EFCAB5: variants seen among roughly 807,000 people sequenced by gnomAD.
EFCAB5 encodes EF-hand calcium binding domain 5.
A neutral mutation model predicts 167.9 loss-of-function variants in EFCAB5; 131 were observed. The observed-to-expected ratio is 0.78, with a 90% CI of 0.68 to 0.90. The LOEUF is 0.90. Among genes scored for constraint, EFCAB5 ranks in the 40% least tolerant of loss-of-function variants. The probability of loss-of-function intolerance (pLI) is 0.00; values close to 1 mark genes in which losing one functional copy is unlikely to be tolerated. For missense variants in EFCAB5, 1,663 were observed against 1,745.2 expected (o/e 0.95, Z 0.84); for synonymous variants, 574 against 602.8 (o/e 0.95, Z 0.70).
chr17:30,092,293 A>T, intron 21 of EFCAB5, 136 bp downstream of exon 21: 1 of 922,238 alleles, frequency 1.1e-6, no homozygotes, highest in Non-Finnish European at 1.6e-6. Flanking sequence ...TCACGTAACC[A>T]GACCTAGATC....
rs1226008133 is a variant in EFCAB5, at chr17:30,091,911, C to G, written c.3978C>G (p.Leu1326=). ...NVREVQRAGI[L]FFRIMLLELQ... Reference sequence around the variant, plus strand: ...GGGAAGTCCAGCGGGCAGGAATTCTCTTCTTCCGAATCATGCTGCTCGAGC... The same window carrying G: ...GGGAAGTCCAGCGGGCAGGAATTCTGTTCTTCCGAATCATGCTGCTCGAGC... Residue 1326 remains leucine, a synonymous_variant, in exon 21 of 23, where the codon CTC becomes CTG. Transcript: ENST00000394835. The G allele has an allele frequency of 6.2e-7, 1 of 1,613,880 alleles. No homozygotes were observed. The highest frequency in any genetic ancestry group is 2.2e-5 in the East Asian group (1 of 44,900).
chr17:29,933,481 G>A lies in EFCAB5; in HGVS notation c.-127+4152G>A, dbSNP rs117326114. On this transcript the variant is annotated intron_variant, in intron 1 of 3. Coordinates refer to the EFCAB5 transcript ENST00000448319. ...GAGATATCTTCTAATAGAGTGAAGA[G>A]CCTAGGATCCTCTTACTATTCTAGC... 6.2e-4 allele frequency among the ~76,000 whole-genome samples: 95 copies of A among 152,250 alleles called. 1 individual carries two copies. The East Asian group carries it at 0.017, about 27-fold the overall frequency.
At chr17:30,081,840 G>A (rs1005093373) in intron 17 of EFCAB5, among the ~76,000 whole-genome samples, 1 of 152,192 alleles carries the variant, frequency 6.6e-6, no homozygotes, top group African/African-American at 2.4e-5. Context: ...TTAAAATGGA[G>A]GAGTATGGAG....
intron 22 of EFCAB5, among the ~76,000 whole-genome samples, chr17:30,096,677 A>ATTTTTTTTTT (rs71278522): frequency 8.3e-5 from 5 of 60,128 alleles, no homozygotes; most frequent in African/African-American, 3.4e-4. Context: ...ATATATATAT[A>ATTTTTTTTTT]TTTTTTTTTT....
At chr17:30,051,071 C>G (rs773185665) in intron 8 of EFCAB5, 47 bp from the exon 9 acceptor site, 1 of 1,577,040 alleles carries the variant, frequency 6.3e-7, no homozygotes, top group Non-Finnish European at 8.7e-7. Context: ...GCATAAAAAT[C>G]TTAAATCTCC....
intron 3 of EFCAB5, among the ~76,000 whole-genome samples, chr17:29,966,136 G>A (rs1289215766): frequency 6.6e-6 from 1 of 152,054 alleles, no homozygotes; most frequent in Non-Finnish European, 1.5e-5. Flanking sequence ...TAAATTCACA[G>A]TGTTATGCAA....
chr17:30,004,304 G>C (rs1395554150), intron 7 of EFCAB5, among the ~76,000 whole-genome samples: 4 of 152,224 alleles, frequency 2.6e-5, no homozygotes, highest in Non-Finnish European at 5.9e-5. Context: ...CTGATACCAT[G>C]CTGGTGGAAG....
intron 7 of EFCAB5, among the ~76,000 whole-genome samples, chr17:30,033,516 C>T (rs2069537245): frequency 6.6e-6 from 1 of 152,164 alleles, no homozygotes; most frequent in Non-Finnish European, 1.5e-5. Flanking sequence ...TGGCAAAAAC[C>T]CAGATGCCAA....
chr17:30,049,052 G>A (rs2070008843), intron 8 of EFCAB5, among the ~76,000 whole-genome samples: 2 of 152,038 alleles, frequency 1.3e-5, no homozygotes, highest in South Asian at 2.1e-4. Flanking sequence ...GACCTTGATT[G>A]TATTGACATC....
At chr17:29,937,436 C>T (rs1486482958), upstream of EFCAB5, among the ~76,000 whole-genome samples, 1 of 152,216 alleles carries the variant, frequency 6.6e-6, no homozygotes, top group African/African-American at 2.4e-5. Flanking sequence ...ATCCACCCGC[C>T]TCAGCCTCCC....
intron 8 of EFCAB5, among the ~76,000 whole-genome samples, chr17:30,048,048 T>C (rs772374460): frequency 1.3e-5 from 2 of 152,226 alleles, no homozygotes; most frequent in Non-Finnish European, 2.9e-5. Context: ...GATTCCAAGT[T>C]AACATCAATT....
At chr17:30,057,928 A>G (rs766579813) in intron 13 of EFCAB5, 38 bp downstream of exon 13, 1 of 1,570,470 alleles carries the variant, frequency 6.4e-7, no homozygotes, top group Non-Finnish European at 8.7e-7. Flanking sequence ...AAGTGAGGTC[A>G]CTATTATAAG....
At chr17:29,975,169 T>C (rs1280631467) in intron 4 of EFCAB5, among the ~76,000 whole-genome samples, 4 of 152,152 alleles carry the variant, frequency 2.6e-5, no homozygotes, top group African/African-American at 4.8e-5. Flanking sequence ...GCTGACCTTT[T>C]GTCTAAATGG....
At chr17:29,953,204 C>T (rs376326385) in intron 3 of EFCAB5, among the ~76,000 whole-genome samples, 29 of 152,156 alleles carry the variant, frequency 1.9e-4, no homozygotes, top group South Asian at 1.9e-3. Context: ...ACAAAATCAA[C>T]GTACAAAAAT....
At position 30,090,614 on chromosome 17, in the gene EFCAB5, G is replaced by C. The variant is rs2071177398; in HGVS notation, c.3877G>C (p.Val1293Leu). The C allele has an allele frequency of 3.7e-6, 6 of 1,613,928 alleles. No individual in the cohort carries two copies. Among genetic ancestry groups the C allele is most frequent in the Non-Finnish European group, 5.1e-6 (6 of 1,179,890 alleles). Residue 1293 changes from valine (V) to leucine (L), a missense_variant, in exon 20 of 23, where the codon GTG (valine) becomes CTG (leucine). Coordinates refer to ENST00000394835, the MANE Select transcript of EFCAB5 (RefSeq NM_198529.4). ...ACAGAAAATGATGAAAGTGGTCCAA[G>C]TGGCCTGCTATGAAATACTTGGCGA... is the stretch of plus-strand genomic sequence containing the variant. ...DLQKMMKVVQ[V>L]ACYEILGEFS...
intron 7 of EFCAB5, among the ~76,000 whole-genome samples, chr17:30,030,253 C>A (rs2069443925): frequency 2.6e-5 from 4 of 152,328 alleles, no homozygotes; most frequent in East Asian, 3.9e-4. Context: ...AGAAAACCGA[C>A]AGACTATAGC....
At chr17:30,067,621 G>A (rs960882901) in intron 14 of EFCAB5, among the ~76,000 whole-genome samples, 12 of 152,116 alleles carry the variant, frequency 7.9e-5, no homozygotes, top group African/African-American at 7.2e-5. Flanking sequence ...AAAAGCATTT[G>A]ATAAATATTC....
At chr17:30,092,236 A>T (rs532913564) in intron 21 of EFCAB5, 79 bp downstream of exon 21, 269 of 1,418,312 alleles carry the variant, frequency 1.9e-4, no homozygotes, top group Middle Eastern at 1.8e-3. Context: ...ATAATTGCAT[A>T]AATCATAAGG....
At chr17:30,033,615 C>G (rs1349360932) in intron 7 of EFCAB5, among the ~76,000 whole-genome samples, 1 of 152,172 alleles carries the variant, frequency 6.6e-6, no homozygotes, top group Non-Finnish European at 1.5e-5. Context: ...GTCAAACCTA[C>G]AAAATATTCA....
Sources: gnomAD v4.1 joint callset for allele counts (sites outside exome capture counted in the v4.1 genomes callset) on GRCh38, gnomAD v4.1.1 for gene constraint, MANE v1.5 for transcripts, NCBI Gene and HGNC (gene_info 2026-07-23, HGNC 2026-07-21) for gene names.